SAC3D1: variants seen among roughly 807,000 people sequenced by gnomAD.
The protein encoded by SAC3D1 is SAC3 domain-containing protein 1.
A neutral mutation model predicts 12.7 loss-of-function variants in SAC3D1; 10 were observed. The observed-to-expected ratio is 0.79, with a 90% CI of 0.49 to 1.34. The LOEUF (loss-of-function observed/expected upper bound fraction) is 1.34. SAC3D1 is among the 40% of genes most tolerant of loss of function. The pLI, the probability that SAC3D1 is intolerant of heterozygous loss-of-function variation, is 0.00. For missense variants in SAC3D1, 482 were observed against 531.1 expected (o/e 0.91, Z 0.91); for synonymous variants, 241 against 250.8 (o/e 0.96, Z 0.37).
Position 65,044,220 on chromosome 11 carries a change from C to G in SAC3D1, c.575-5C>G. On this transcript the variant is annotated splice_polypyrimidine_tract_variant and splice_region_variant and intron_variant, in intron 1 of 1. Coordinates refer to ENST00000652489, the MANE Select transcript of SAC3D1 (RefSeq NM_013299.4). The surrounding 1 kb of genome is among the most constrained non-coding windows in gnomAD (Gnocchi z 4.0). Reference sequence around the variant, plus strand: ...CGTCCTCATTCTGGCTTCCCGCTCTCACAGGCTCGGTGGAAGCCCTGCATG... The same window carrying G: ...CGTCCTCATTCTGGCTTCCCGCTCTGACAGGCTCGGTGGAAGCCCTGCATG... The G allele has an allele frequency of 1.2e-6, 2 of 1,611,500 alleles. No homozygotes were observed. Among genetic ancestry groups the G allele is most frequent in the Non-Finnish European group, 1.7e-6 (2 of 1,179,036 alleles).
intron 1 of SAC3D1, chr11:65,043,122 A>G (rs1254975175): frequency 6.9e-6 from 3 of 437,518 alleles, no homozygotes; most frequent in Non-Finnish European, 1.4e-5. Flanking sequence ...ATGCCCAGTG[A>G]ATGGTTTATT....
upstream of SAC3D1, chr11:65,041,014 G>A: frequency 1.9e-6 from 1 of 515,436 alleles, no homozygotes; most frequent in East Asian, 3.9e-5. Context: ...GCGCTCGATG[G>A]GGGCCGTTAG....
In SAC3D1 at chr11:65,041,475, G is replaced by T; in HGVS notation, c.183G>T (p.Lys61Asn). 1 of 1,475,664 alleles carries T rather than the reference G, an allele frequency of 6.8e-7. No homozygotes were observed. Among genetic ancestry groups the T allele is most frequent in the Non-Finnish European group, 8.9e-7 (1 of 1,119,646 alleles). 91.4% of individuals were successfully genotyped at this position (1,475,664 alleles called of 1,614,324 possible). A position where few individuals can be genotyped will look rare whatever the true frequency, so the allele number is the denominator to read the frequency against. ...VKEYSRPAAG[K>N]PRPPPSQLRP... ...AGTACAGCCGACCCGCCGCCGGCAA[G>T]CCCCGGCCCCCGCCCAGCCAGTTGC... The change falls in exon 1 of 2, where the codon AAG becomes AAT. Residue 61 changes from lysine to asparagine, a missense_variant. Physicochemically the swap from Lys to Asn is moderately conservative, Grantham distance 94. Around this residue, in one of 3 missense-constraint regions of SAC3D1, gnomAD observed 197 missense variants for 183.2 expected, o/e 1.08. Coordinates refer to ENST00000652489, the MANE Select transcript of SAC3D1 (RefSeq NM_013299.4).
Position 65,044,741 on chromosome 11 carries a change from G to A in SAC3D1, c.*14G>A, listed in dbSNP as rs1462527901. On this transcript the variant is annotated 3_prime_UTR_variant, in exon 2 of 2. Coordinates refer to ENST00000652489, the MANE Select transcript of SAC3D1 (RefSeq NM_013299.4). This position sits in a 1 kb window ranked among gnomAD's most constrained non-coding sequence, Gnocchi z 4.0. ...TCCCCAGCCTGAGGAGGGAGCGTGA[G>A]CCTCCCAGAGCCCCAGGACTGGGCC... 1 of 1,606,754 alleles carries A rather than the reference G, an allele frequency of 6.2e-7. No individual in the cohort carries two copies. The highest frequency in any genetic ancestry group is 1.7e-5 in the Admixed American group (1 of 59,860).
chr11:65,042,128 C>T (rs776620877), intron 1 of SAC3D1, among the ~76,000 whole-genome samples: 6 of 151,864 alleles, frequency 4.0e-5, no homozygotes, highest in East Asian at 3.9e-4. Context: ...TTTTGAGTCT[C>T]GCTCTGTCGC....
At chr11:65,042,107 A>G (rs1946617602) in intron 1 of SAC3D1, among the ~76,000 whole-genome samples, 3 of 131,266 alleles carry the variant, frequency 2.3e-5, no homozygotes, top group Non-Finnish European at 1.6e-5. Context: ...GTGATTTTCA[A>G]ACTTTTTTTT....
chr11:65,044,613 T>C lies in SAC3D1; in HGVS notation c.963T>C (p.Pro321=). The C allele has an allele frequency of 6.2e-7, 1 of 1,613,960 alleles. No individual in the cohort carries two copies. The highest frequency in any genetic ancestry group is 8.5e-7 in the Non-Finnish European group (1 of 1,180,006). Residue 321 remains proline, a synonymous_variant, in exon 2 of 2, where the codon CCT becomes CCC. Transcript: ENST00000652489. The surrounding 1 kb of genome is among the most constrained non-coding windows in gnomAD (Gnocchi z 4.0). The part of the protein sequence containing the change: ...RGRYVEEGLP[P]ASTCKVLVES... The stretch of plus-strand genomic sequence containing the variant: ...GCTACGTGGAGGAAGGGCTACCGCC[T>C]GCCAGTACGTGCAAGGTGTTAGTGG...
At chr11:65,042,864 G>C (rs750829136) in intron 1 of SAC3D1, among the ~76,000 whole-genome samples, 1 of 150,588 alleles carries the variant, frequency 6.6e-6, no homozygotes, top group Admixed American at 6.6e-5. Flanking sequence ...TTGAGACAGG[G>C]TCTCACTCTT....
At position 65,041,322 on chromosome 11, in the gene SAC3D1, C is replaced by G; in HGVS notation, c.30C>G (p.Thr10=). 1.3e-6 allele frequency: 2 copies of G among 1,509,468 alleles called. No homozygotes were observed. The highest frequency in any genetic ancestry group is 1.8e-6 in the Non-Finnish European group (2 of 1,136,450). The allele number at this position is 1,509,468 out of a possible 1,614,324, so 93.5% of individuals were successfully genotyped here. MPGCELPVG[T]CPDMCPAAER... is the part of the protein sequence containing the mutation. ...CCGGCTGCGAGCTGCCCGTGGGCAC[C>G]TGCCCGGACATGTGCCCGGCCGCCG... Residue 10 remains threonine (T), a synonymous_variant, in exon 1 of 2, where the codon ACC becomes ACG. Transcript: ENST00000652489.
chr11:65,043,057 C>T (rs1194745887), intron 1 of SAC3D1: 6 of 446,784 alleles, frequency 1.3e-5, no homozygotes, highest in South Asian at 8.0e-5. Context: ...ACTCGAATTC[C>T]TGGGCTCAAG....
In SAC3D1 at chr11:65,044,482, A is replaced by C; in HGVS notation, c.832A>C (p.Met278Leu). The change falls in exon 2 of 2, where the codon ATG becomes CTG. Residue 278 changes from methionine (M) to leucine (L), a missense_variant. Transcript: ENST00000652489. The surrounding 1 kb of genome is among the most constrained non-coding windows in gnomAD (Gnocchi z 4.0). The stretch of plus-strand genomic sequence containing the variant: ...GGGCCAGACCTTGCCTCTGGGCTTC[A>C]TGGTCAACCTCTTGGCCCTGGATGG... ...PKGQTLPLGF[M>L]VNLLALDGLR... 6.2e-7 allele frequency: 1 copy of C among 1,614,066 alleles called. No homozygotes were observed. Among genetic ancestry groups the C allele is most frequent in the Non-Finnish European group, 8.5e-7 (1 of 1,180,030 alleles).
At chr11:65,042,649 C>T (rs3915452) in intron 1 of SAC3D1, among the ~76,000 whole-genome samples, 1 of 151,926 alleles carries the variant, frequency 6.6e-6, no homozygotes, top group Non-Finnish European at 1.5e-5. Context: ...TCAGGCTATT[C>T]GCCTGCGTCA....
rs1195875787 is a variant in SAC3D1 at position 65,044,700 on chromosome 11, C to T, written c.1050C>T (p.Gly350=). The part of the protein sequence containing the change: ...EVVMAEEEDE[G]TDRPGSPA ...TCATGGCAGAGGAGGAAGATGAGGG[C>T]ACGGACAGACCTGGGTCCCCAGCCT... Residue 350 remains glycine, a synonymous_variant, in exon 2 of 2, where the codon GGC becomes GGT. Coordinates refer to ENST00000652489, the MANE Select transcript of SAC3D1 (RefSeq NM_013299.4). This position sits in a 1 kb window ranked among gnomAD's most constrained non-coding sequence, Gnocchi z 4.0. The T allele has an allele frequency of 6.8e-6, 11 of 1,613,056 alleles. No individual in the cohort carries two copies. The highest frequency in any genetic ancestry group is 1.1e-5 in the South Asian group (1 of 91,090).
chr11:65,044,091 G>A lies in SAC3D1; in HGVS notation c.575-134G>A, dbSNP rs1172896597. On this transcript the variant is annotated intron_variant, in intron 1 of 1. Transcript: ENST00000652489. This position sits in a 1 kb window ranked among gnomAD's most constrained non-coding sequence, Gnocchi z 4.0. ...AAGGAGCCAAAGGCTGGCCCTTAGA[G>A]GGGAGAGGGAAGTTGGGCTAGGCCT... is the stretch of plus-strand genomic sequence containing the variant. 2 of 1,029,112 alleles carry A rather than the reference G, an allele frequency of 1.9e-6. No individual in the cohort carries two copies. Among genetic ancestry groups the A allele is most frequent in the East Asian group, 2.4e-5 (1 of 41,218 alleles). The allele number at this position is 1,029,112 out of a possible 1,614,324, so 63.7% of individuals were successfully genotyped here. A position where few individuals can be genotyped will look rare whatever the true frequency, so the allele number is the denominator to read the frequency against.
At position 65,041,631 on chromosome 11, in the gene SAC3D1, G is replaced by A; in HGVS notation, c.339G>A (p.Ala113=). The stretch of plus-strand genomic sequence containing the variant: ...TGCGAGCTGTGCTCCTGGACCTGGC[G>A]CTGCAGGGAGCGGGCGACGCCGAGG... ...DRLRAVLLDL[A]LQGAGDAEAA... is the part of the protein sequence containing the mutation. The change falls in exon 1 of 2, where the codon GCG becomes GCA. Residue 113 remains alanine, a synonymous_variant. Coordinates refer to ENST00000652489, the MANE Select transcript of SAC3D1 (RefSeq NM_013299.4). 1 of 1,451,480 alleles carries A rather than the reference G, an allele frequency of 6.9e-7. No individual in the cohort carries two copies. The allele number at this position is 1,451,480 out of a possible 1,614,324, so 89.9% of individuals were successfully genotyped here.
In SAC3D1 at chr11:65,044,181, C is replaced by A; in HGVS notation, c.575-44C>A. On this transcript the variant is annotated intron_variant, in intron 1 of 1. Transcript: ENST00000652489. This position sits in a 1 kb window ranked among gnomAD's most constrained non-coding sequence, Gnocchi z 4.0. Reference sequence around the variant, plus strand: ...GTTGGGAGGGGAGATGAGCCTGATCCTGTAAGGACCAGGCGTCCTCATTCT... The same window carrying A: ...GTTGGGAGGGGAGATGAGCCTGATCATGTAAGGACCAGGCGTCCTCATTCT... 5 of 1,592,706 alleles carry A rather than the reference C, an allele frequency of 3.1e-6. No individual in the cohort carries two copies. Among genetic ancestry groups the A allele is most frequent in the Non-Finnish European group, 4.3e-6 (5 of 1,168,528 alleles).
At chr11:65,041,169 G>A (rs989697159), upstream of SAC3D1, 5 of 958,552 alleles carry the variant, frequency 5.2e-6, no homozygotes, top group African/African-American at 1.8e-5. Context: ...GGGAAGGCGG[G>A]CCCAGACAGG....
chr11:65,043,374 G>A (rs1169481569), intron 1 of SAC3D1, among the ~76,000 whole-genome samples: 2 of 151,622 alleles, frequency 1.3e-5, no homozygotes, highest in Non-Finnish European at 2.9e-5. Flanking sequence ...TGATCCTACC[G>A]CGTTGGCCTC....
chr11:65,041,600 A>T lies in SAC3D1; in HGVS notation c.308A>T (p.Asp103Val), dbSNP rs1946601632. 6.8e-7 allele frequency: 1 copy of T among 1,472,844 alleles called. No homozygotes were observed. Among genetic ancestry groups the T allele is most frequent in the Non-Finnish European group, 8.9e-7 (1 of 1,117,342 alleles). The allele number at this position is 1,472,844 out of a possible 1,614,324, so 91.2% of individuals were successfully genotyped here. ...ARAEVASFVA[D>V]RLRAVLLDLA... ...GCCGAGGTGGCCAGCTTCGTGGCAG[A>T]CCGCTTGCGAGCTGTGCTCCTGGAC... Residue 103 changes from aspartate (D) to valine (V), a missense_variant, in exon 1 of 2, where the codon GAC (aspartate) becomes GTC (valine). Transcript: ENST00000652489.
Sources: gnomAD v4.1 joint callset for allele counts (sites outside exome capture counted in the v4.1 genomes callset) on GRCh38, gnomAD v4.1.1 for gene constraint, gnomAD v4.1.1 regional missense constraint, Gnocchi (gnomAD v3.1) non-coding constraint, MANE v1.5 for transcripts, NCBI Gene and HGNC (gene_info 2026-07-23, HGNC 2026-07-21) for gene names.